Variants in KAZN observed in about 807,000 individuals in gnomAD.
KAZN encodes kazrin.
Under a neutral mutation model 87.4 loss-of-function variants are expected in KAZN, and 40 were observed. That is an observed-to-expected ratio of 0.46 (90% CI 0.36 to 0.60). KAZN has a LOEUF of 0.60. KAZN is among the 20% of genes least tolerant of loss of function. The pLI, the probability that KAZN is intolerant of heterozygous loss-of-function variation, is 0.00. For missense variants in KAZN, 898 were observed against 1,073.9 expected, an observed-to-expected ratio of 0.84 and a Z score of 2.29; for synonymous variants, 466 against 458.3, an observed-to-expected ratio of 1.02 and a Z score of -0.22.
intron 1 of KAZN, among the ~76,000 whole-genome samples, chr1:13,972,224 T>C (rs766303108): frequency 2.9e-4 from 44 of 151,820 alleles, no homozygotes; most frequent in South Asian, 6.2e-4. Flanking sequence ...AATAAAATAC[T>C]AATGAACATC....
chr1:14,345,817 A>G (rs768724), intron 2 of KAZN, among the ~76,000 whole-genome samples: 42,205 of 152,094 alleles, frequency 0.28, 6,368 homozygotes, highest in East Asian at 0.48. Flanking sequence ...ACTGTGCTGG[A>G]TAATACCTAA....
At chr1:14,926,166 G>C (rs954045865) in intron 1 of KAZN, among the ~76,000 whole-genome samples, 1 of 152,174 alleles carries the variant, frequency 6.6e-6, no homozygotes, top group Non-Finnish European at 1.5e-5. Flanking sequence ...GGCGCTCTCT[G>C]CTCCATCTCC....
rs777329754 is a variant in KAZN, at chr1:14,601,353, C to T, written c.226+2130C>T. The stretch of plus-strand genomic sequence containing the variant: ...GTGATGGTTGAAAAGAAAACAAGCC[C>T]CCGTATAAGTTCAGTGGGGTATCAT... On this transcript the variant is annotated intron_variant, in intron 1 of 14. Coordinates refer to ENST00000376030, the MANE Select transcript of KAZN (RefSeq NM_201628.3). Among the ~76,000 whole-genome samples, 8 of 152,026 alleles carry T rather than the reference C, an allele frequency of 5.3e-5. No homozygotes were observed. In the East Asian group the frequency reaches 5.8e-4, roughly 11 times the overall value.
intron 13 of KAZN, among the ~76,000 whole-genome samples, chr1:15,109,769 GTCT>G (rs1641430781): frequency 2.3e-5 from 1 of 42,638 alleles, no homozygotes; most frequent in East Asian, 1.4e-3. Flanking sequence ...GTGTCTGTAT[GTCT>G]GTGTATATAT....
chr1:14,754,979 C>A (rs1316166844), intron 1 of KAZN, among the ~76,000 whole-genome samples: 1 of 150,886 alleles, frequency 6.6e-6, no homozygotes, highest in Non-Finnish European at 1.5e-5. Context: ...CAGTGGCTCA[C>A]ATCTATAATC....
Position 14,552,822 on chromosome 1 carries a change from C to T in KAZN, c.250-46161C>T, listed in dbSNP as rs116522971. On this transcript the variant is annotated intron_variant, in intron 2 of 16. Coordinates refer to the KAZN transcript ENST00000636203. ...TTAAAATATATTATCTAATTTAGTG[C>T]TCACCAGGGGTCATTAATTCACATG... 3.3e-3 allele frequency among the ~76,000 whole-genome samples: 501 copies of T among 152,330 alleles called. 4 individuals carry two copies. Among genetic ancestry groups the T allele is most frequent in the African/African-American group, 0.012 (481 of 41,566 alleles).
intron 1 of KAZN, among the ~76,000 whole-genome samples, chr1:14,068,855 G>T (rs890684587): frequency 2.5e-4 from 37 of 149,504 alleles, no homozygotes; most frequent in African/African-American, 9.2e-4. Flanking sequence ...CTGGAGTGCA[G>T]TGGCGCCATC....
chr1:13,951,629 A>G (rs1194703019), intron 1 of KAZN, among the ~76,000 whole-genome samples: 4 of 3,312 alleles, frequency 1.2e-3, no homozygotes, highest in Admixed American at 3.8e-3. Flanking sequence ...TGGAGATAAT[A>G]ATAATAATAA....
intron 13 of KAZN, among the ~76,000 whole-genome samples, chr1:15,107,085 ACTC>A (rs1400418779): frequency 6.6e-6 from 1 of 152,098 alleles, no homozygotes; most frequent in African/African-American, 2.4e-5. Flanking sequence ...CCAGGTCTCT[ACTC>A]CTAGTCAGAA....
intron 8 of KAZN, among the ~76,000 whole-genome samples, chr1:15,068,893 G>A (rs1205177511): frequency 6.6e-6 from 1 of 152,044 alleles, no homozygotes; most frequent in Non-Finnish European, 1.5e-5. Flanking sequence ...ATACAGACAC[G>A]ATGCCGAGGT....
chr1:14,207,184 G>A (rs1160906989), intron 2 of KAZN, among the ~76,000 whole-genome samples: 4 of 152,060 alleles, frequency 2.6e-5, no homozygotes, highest in African/African-American at 7.2e-5. Flanking sequence ...GGCTGGTCTC[G>A]AACTCCTGAC....
intron 2 of KAZN, among the ~76,000 whole-genome samples, chr1:14,432,860 G>T (rs1026264466): frequency 1.3e-5 from 2 of 152,252 alleles, no homozygotes; most frequent in Non-Finnish European, 1.5e-5. Flanking sequence ...TGCTGAGAAT[G>T]ATGGCTTCCA....
chr1:14,545,595 C>T (rs1012104437), intron 2 of KAZN, among the ~76,000 whole-genome samples: 3 of 152,064 alleles, frequency 2.0e-5, no homozygotes, highest in African/African-American at 7.2e-5. Flanking sequence ...CTGGTAAGAG[C>T]TTAATAAGCA....
intron 1 of KAZN, among the ~76,000 whole-genome samples, chr1:14,928,937 T>C (rs1253070759): frequency 6.6e-6 from 1 of 152,220 alleles, no homozygotes; most frequent in East Asian, 1.9e-4. Context: ...CCAAGGCTGG[T>C]GGCACGCCAT....
At chr1:13,973,898 A>G (rs1267168716) in intron 1 of KAZN, among the ~76,000 whole-genome samples, 7 of 152,262 alleles carry the variant, frequency 4.6e-5, no homozygotes, top group African/African-American at 1.7e-4. Flanking sequence ...TGTCCCCACG[A>G]CCACCCACAG....
chr1:14,219,488 T>A (rs147311134), intron 2 of KAZN, among the ~76,000 whole-genome samples: 3 of 152,290 alleles, frequency 2.0e-5, no homozygotes, highest in African/African-American at 4.8e-5. Context: ...TTTATTAATT[T>A]CTCCAATAGG....
At chr1:14,954,326 A>C (rs1369665405) in intron 1 of KAZN, among the ~76,000 whole-genome samples, 1 of 152,230 alleles carries the variant, frequency 6.6e-6, no homozygotes, top group African/African-American at 2.4e-5. Flanking sequence ...AAAGGTACCC[A>C]ATCAGTCTTT....
intron 2 of KAZN, among the ~76,000 whole-genome samples, chr1:14,976,868 C>T (rs1300929829): frequency 6.6e-6 from 1 of 152,120 alleles, no homozygotes; most frequent in Non-Finnish European, 1.5e-5. Context: ...GTCTGGCCAA[C>T]GTGGTGAAAC....
In KAZN at chr1:14,735,759, T is replaced by C. The variant is rs527934307; in HGVS notation, c.226+136536T>C. 7.9e-5 allele frequency among the ~76,000 whole-genome samples: 12 copies of C among 152,216 alleles called. No homozygotes were observed. The highest frequency in any genetic ancestry group is 2.6e-4 in the African/African-American group (11 of 41,536). On this transcript the variant is annotated intron_variant, in intron 1 of 14. Transcript: ENST00000376030. This position sits in a 1 kb window ranked among gnomAD's most constrained non-coding sequence, Gnocchi z 4.3. ...CCACTCTTGCACGGCAAAGGAGAAATGTCCACGATAGTCCAAGAAGCGCCG... is the reference window on the plus strand; with the variant it reads ...CCACTCTTGCACGGCAAAGGAGAAACGTCCACGATAGTCCAAGAAGCGCCG...
Sources: allele counts gnomAD v4.1 joint callset (sites outside exome capture counted in the v4.1 genomes callset), GRCh38; gene constraint gnomAD v4.1.1; non-coding constraint Gnocchi (gnomAD v3.1); transcripts MANE v1.5; gene names NCBI Gene and HGNC (gene_info 2026-07-23, HGNC 2026-07-21).